Variants in DLGAP1 observed in about 807,000 individuals in gnomAD.
DLGAP1 encodes DLG associated protein 1.
Under a neutral mutation model 90.8 loss-of-function variants are expected in DLGAP1, and 11 were observed. The observed-to-expected ratio is 0.12, with a 90% CI of 0.08 to 0.20. The LOEUF is 0.20. DLGAP1 is among the 10% of genes least tolerant of loss of function. The probability of loss-of-function intolerance (pLI) is 1.00; values close to 1 mark genes in which losing one functional copy is unlikely to be tolerated. For synonymous variants in DLGAP1, 558 were observed against 540.7 expected (o/e 1.03, Z -0.44); for missense variants, 1,050 against 1,333.8 (o/e 0.79, Z 3.31).
intron 2 of DLGAP1, among the ~76,000 whole-genome samples, chr18:4,056,374 G>A (rs538467133): frequency 1.2e-4 from 18 of 152,156 alleles, no homozygotes; most frequent in Non-Finnish European, 2.5e-4. Flanking sequence ...GGCCAGAAGC[G>A]GCCTGGGGAA....
chr18:3,821,438 A>AC (rs2067408452), intron 4 of DLGAP1, among the ~76,000 whole-genome samples: 1 of 36,614 alleles, frequency 2.7e-5, no homozygotes, highest in Non-Finnish European at 7.6e-5. Flanking sequence ...GAACCAATAA[A>AC]CTAAAAAAAA....
intron 2 of DLGAP1, among the ~76,000 whole-genome samples, chr18:4,077,699 C>T (rs1169210854): frequency 6.6e-6 from 1 of 152,170 alleles, no homozygotes; most frequent in Non-Finnish European, 1.5e-5. Context: ...CAATCTTGAA[C>T]TTTCCCAGAT....
intron 8 of DLGAP1, among the ~76,000 whole-genome samples, chr18:3,568,972 C>T (rs1287022695): frequency 6.6e-6 from 1 of 151,212 alleles, no homozygotes; most frequent in Non-Finnish European, 1.5e-5. Context: ...AGCCATGAGC[C>T]ACCACGCCTG....
chr18:3,973,668 T>C (rs1275829396), intron 3 of DLGAP1, among the ~76,000 whole-genome samples: 2 of 152,124 alleles, frequency 1.3e-5, no homozygotes, highest in African/African-American at 4.8e-5. Flanking sequence ...GCCAATTTTT[T>C]TCCCTCAATT....
chr18:3,910,186 C>T (rs1452761201), intron 3 of DLGAP1, among the ~76,000 whole-genome samples: 1 of 151,230 alleles, frequency 6.6e-6, no homozygotes, highest in African/African-American at 2.4e-5. Flanking sequence ...TTCCAATGAG[C>T]ATGTGGATTA....
chr18:4,297,097 G>A (rs117955950), intron 1 of DLGAP1, among the ~76,000 whole-genome samples: 1 of 152,244 alleles, frequency 6.6e-6, no homozygotes, highest in Non-Finnish European at 1.5e-5. Context: ...CCTTTTTATA[G>A]TAGATGCTAT....
At chr18:3,794,411 A>T (rs768762277) in intron 5 of DLGAP1, among the ~76,000 whole-genome samples, 3 of 129,888 alleles carry the variant, frequency 2.3e-5, no homozygotes, top group Non-Finnish European at 3.3e-5. Context: ...TTTATTTCTG[A>T]CTTCAAAACT....
chr18:4,001,553 A>T (rs1263585199), intron 3 of DLGAP1, among the ~76,000 whole-genome samples: 1 of 152,002 alleles, frequency 6.6e-6, no homozygotes, highest in African/African-American at 2.4e-5. Flanking sequence ...CTAGCTCTAG[A>T]GATTTAGAGC....
chr18:4,362,301 T>G (rs1398943280), intron 1 of DLGAP1, among the ~76,000 whole-genome samples: 1 of 152,182 alleles, frequency 6.6e-6, no homozygotes, highest in Non-Finnish European at 1.5e-5. Flanking sequence ...ACAGCAGAAT[T>G]ATTCACAATA....
intron 9 of DLGAP1, among the ~76,000 whole-genome samples, chr18:3,548,503 G>A (rs1190184806): frequency 6.6e-6 from 1 of 151,066 alleles, no homozygotes; most frequent in Non-Finnish European, 1.5e-5. Flanking sequence ...AGTGGCTCAT[G>A]CCCATAATCC....
intron 7 of DLGAP1, among the ~76,000 whole-genome samples, chr18:3,703,937 T>C (rs1284638638): frequency 6.6e-6 from 1 of 152,196 alleles, no homozygotes. Context: ...AGGCAGGGCT[T>C]CTAATCTTGA....
At chr18:4,214,139 T>G (rs1211142204) in intron 1 of DLGAP1, among the ~76,000 whole-genome samples, 1 of 152,008 alleles carries the variant, frequency 6.6e-6, no homozygotes, top group Non-Finnish European at 1.5e-5. Context: ...CTTTATTTGT[T>G]TGAAGATAGA....
At chr18:4,237,905 T>C (rs1454075186) in intron 1 of DLGAP1, among the ~76,000 whole-genome samples, 1 of 152,210 alleles carries the variant, frequency 6.6e-6, no homozygotes, top group Non-Finnish European at 1.5e-5. Context: ...AATATTATCA[T>C]ACATGCCAAG....
chr18:3,913,866 T>C (rs771803868), intron 3 of DLGAP1, among the ~76,000 whole-genome samples: 9 of 152,188 alleles, frequency 5.9e-5, no homozygotes, highest in Admixed American at 2.0e-4. Flanking sequence ...ATATATATTT[T>C]TCCAAACAGA....
intron 2 of DLGAP1, among the ~76,000 whole-genome samples, chr18:4,037,504 A>AT (rs993060942): frequency 3.9e-5 from 6 of 152,174 alleles, no homozygotes; most frequent in African/African-American, 1.4e-4. Flanking sequence ...CTGAACATGG[A>AT]TTTTTTATTC....
chr18:4,123,508 A>G (rs1258591663), intron 2 of DLGAP1, among the ~76,000 whole-genome samples: 2 of 152,186 alleles, frequency 1.3e-5, no homozygotes, highest in Non-Finnish European at 2.9e-5. Flanking sequence ...AATGTTCAGG[A>G]ACATAAAAAG....
chr18:3,932,890 T>C lies in DLGAP1; in HGVS notation c.-72-52750A>G, dbSNP rs116981295. On this transcript the variant is annotated intron_variant, in intron 3 of 12. Transcript: ENST00000315677. ...TCCTAGATGCAGCATGGAAGCCAGGTAGGAAAAGCTGGGCCATGCCTGATT... is the reference window on the plus strand; with the variant it reads ...TCCTAGATGCAGCATGGAAGCCAGGCAGGAAAAGCTGGGCCATGCCTGATT... 2.2e-4 allele frequency among the ~76,000 whole-genome samples: 34 copies of C among 152,184 alleles called. No homozygotes were observed. The East Asian group carries it at 3.3e-3, about 15-fold the overall frequency.
intron 7 of DLGAP1, among the ~76,000 whole-genome samples, chr18:3,620,548 A>T (rs199918306): frequency 3.0e-5 from 1 of 33,438 alleles, no homozygotes; most frequent in Admixed American, 3.9e-4. Context: ...ATCACATTTT[A>T]TTATTATTAT....
At chr18:4,106,614 G>A (rs781438604) in intron 2 of DLGAP1, among the ~76,000 whole-genome samples, 15 of 152,160 alleles carry the variant, frequency 9.9e-5, no homozygotes, top group Non-Finnish European at 2.2e-4. Flanking sequence ...AGCCGGCAGA[G>A]GGCAGAACAG....
Sources: allele counts gnomAD v4.1 joint callset (sites outside exome capture counted in the v4.1 genomes callset), GRCh38; gene constraint gnomAD v4.1.1; transcripts MANE v1.5; gene names NCBI Gene and HGNC (gene_info 2026-07-23, HGNC 2026-07-21).